Variants in L3MBTL3 observed in about 807,000 individuals in gnomAD.
The protein encoded by L3MBTL3 is lethal(3)malignant brain tumor-like protein 3.
Under a neutral mutation model 102.3 loss-of-function variants are expected in L3MBTL3, and 27 were observed. The observed-to-expected ratio is 0.26, with a 90% CI of 0.19 to 0.36. The LOEUF is 0.36. Among genes scored for constraint, L3MBTL3 ranks in the 10% least tolerant of loss-of-function variants. The pLI, the probability that L3MBTL3 is intolerant of heterozygous loss-of-function variation, is 1.00. For missense variants in L3MBTL3, 798 were observed against 955.3 expected, an observed-to-expected ratio of 0.84 and a Z score of 2.17; for synonymous variants, 340 against 320.9, an observed-to-expected ratio of 1.06 and a Z score of -0.64.
At chr6:130,118,408 A>G (rs1441917298) in intron 19 of L3MBTL3, among the ~76,000 whole-genome samples, 1 of 152,116 alleles carries the variant, frequency 6.6e-6, no homozygotes, top group East Asian at 1.9e-4. Context: ...CTGTTTCCAC[A>G]TGTCTGGATG....
At chr6:130,077,842 G>C (rs1036442288) in intron 13 of L3MBTL3, among the ~76,000 whole-genome samples, 6 of 152,068 alleles carry the variant, frequency 3.9e-5, no homozygotes, top group Non-Finnish European at 5.9e-5. Context: ...GCATCTTTTA[G>C]ACCAACATTT....
chr6:130,079,675 A>G (rs1024318450), intron 14 of L3MBTL3, among the ~76,000 whole-genome samples: 1 of 152,110 alleles, frequency 6.6e-6, no homozygotes, highest in African/African-American at 2.4e-5. Context: ...CTGTTTTCGA[A>G]TGTAGCCTGC....
chr6:130,136,920 C>A (rs1277960225), intron 22 of L3MBTL3, among the ~76,000 whole-genome samples: 3 of 152,186 alleles, frequency 2.0e-5, no homozygotes, highest in Non-Finnish European at 2.9e-5. Flanking sequence ...TCCTGGCCAA[C>A]ATGAGTCACT....
intron 20 of L3MBTL3, among the ~76,000 whole-genome samples, chr6:130,123,870 G>A (rs76583581): frequency 2.3e-3 from 357 of 152,174 alleles, no homozygotes; most frequent in African/African-American, 7.6e-3. Context: ...GGGACCTCTC[G>A]GAGCCTAGTC....
chr6:130,052,757 G>A (rs1781185345), intron 6 of L3MBTL3, 102 bp from the exon 7 acceptor site: 20 of 1,401,730 alleles, frequency 1.4e-5, no homozygotes, highest in Non-Finnish European at 1.9e-5. Flanking sequence ...TTTTTCCTTT[G>A]CAGGGTGATT....
intron 16 of L3MBTL3, among the ~76,000 whole-genome samples, chr6:130,089,839 C>A (rs1327186116): frequency 2.3e-4 from 34 of 146,324 alleles, no homozygotes; most frequent in African/African-American, 1.8e-4. Flanking sequence ...TTTTTCACAG[C>A]AAAAAAAAAA....
intron 16 of L3MBTL3, among the ~76,000 whole-genome samples, chr6:130,091,930 G>T (rs770665391): frequency 5.3e-5 from 8 of 151,904 alleles, no homozygotes; most frequent in Non-Finnish European, 1.0e-4. Context: ...GAATCAGTAA[G>T]ATCTAGTATC....
At chr6:130,092,449 C>T (rs1033282803) in intron 16 of L3MBTL3, among the ~76,000 whole-genome samples, 1 of 151,360 alleles carries the variant, frequency 6.6e-6, no homozygotes, top group Non-Finnish European at 1.5e-5. Flanking sequence ...TATAACAGTT[C>T]CTGTTCTCAT....
intron 22 of L3MBTL3, chr6:130,137,959 T>C (rs956911437): frequency 5.9e-5 from 9 of 152,218 alleles, no homozygotes; most frequent in African/African-American, 2.2e-4. Flanking sequence ...CGCTTAACGG[T>C]GCTACACTTG....
At chr6:130,055,332 A>G (rs1275214990) in intron 8 of L3MBTL3, 77 bp downstream of exon 8, 11 of 1,058,454 alleles carry the variant, frequency 1.0e-5, no homozygotes, top group African/African-American at 3.2e-5. Context: ...AATTTTAGTC[A>G]TGCCACTTAA....
rs763375416 is a variant in L3MBTL3, at chr6:130,104,470, G to A, written c.1781G>A (p.Arg594His). 6.3e-6 allele frequency: 10 copies of A among 1,596,864 alleles called. No individual in the cohort carries two copies. The highest frequency in any genetic ancestry group is 5.2e-5 in the Admixed American group (3 of 57,652). Reference protein sequence around the residue: ...PYSEINLNKDRIFPDRLSGEM... With the variant: ...PYSEINLNKDHIFPDRLSGEM... ...TCAGAAATCAATTTGAATAAAGACC[G>A]TATTTTTCCAGACCGCTTAAGTGGT... The change falls in exon 19 of 23, where the codon CGT becomes CAT. Residue 594 changes from arginine (R) to histidine (H), a missense_variant. By Grantham distance (29) the Arg-to-His change is conservative. Around this residue, in one of 4 missense-constraint regions of L3MBTL3, gnomAD observed 306 missense variants for 314.4 expected, o/e 0.97. Transcript: ENST00000361794.
chr6:130,139,301 C>T (rs1325808239), intron 22 of L3MBTL3, among the ~76,000 whole-genome samples: 1 of 152,158 alleles, frequency 6.6e-6, no homozygotes, highest in East Asian at 1.9e-4. Context: ...TTTGGGCATC[C>T]TGGATTTTTC....
At chr6:130,019,916 CCCGCGCCGTGCCGCG>C (rs1302680082) in intron 1 of L3MBTL3, among the ~76,000 whole-genome samples, 1 of 141,020 alleles carries the variant, frequency 7.1e-6, no homozygotes, top group African/African-American at 2.5e-5. Flanking sequence ...CGGCGTTCGC[CCCGCGCCGTGCCGCG>C]CCGCGCCGGC....
chr6:130,049,368 T>G lies in L3MBTL3; in HGVS notation c.189T>G (p.Thr63=). The G allele has an allele frequency of 6.2e-7, 1 of 1,605,970 alleles. No individual in the cohort carries two copies. Among genetic ancestry groups the G allele is most frequent in the Non-Finnish European group, 8.5e-7 (1 of 1,172,668 alleles). The change falls in exon 4 of 23, where the codon ACT becomes ACG. Residue 63 remains threonine (T), a synonymous_variant. Coordinates refer to ENST00000361794, the MANE Select transcript of L3MBTL3 (RefSeq NM_032438.4). ...ENVKKATATT[T]WMVPTAQEAP... ...TTAAAAAAGCAACTGCTACCACCAC[T>G]TGGATGGTACCAACTGCTCAAGAAG...
chr6:130,105,408 A>G (rs1784925092), intron 19 of L3MBTL3, among the ~76,000 whole-genome samples: 1 of 152,156 alleles, frequency 6.6e-6, no homozygotes, highest in African/African-American at 2.4e-5. Flanking sequence ...GGGGACACCT[A>G]CAACTTCTTC....
chr6:130,022,175 T>C (rs761862025), intron 1 of L3MBTL3, 52 bp from the exon 2 acceptor site: 1 of 152,214 alleles, frequency 6.6e-6, no homozygotes, highest in Non-Finnish European at 1.5e-5. Context: ...GAAGGTTTCT[T>C]TTTGATGACA....
At chr6:130,090,813 C>T (rs1410564930) in intron 16 of L3MBTL3, among the ~76,000 whole-genome samples, 1 of 152,032 alleles carries the variant, frequency 6.6e-6, no homozygotes, top group African/African-American at 2.4e-5. Flanking sequence ...TCTTGAACTC[C>T]TGGGATCTAG....
At chr6:130,105,929 TG>T (rs1297133862) in intron 19 of L3MBTL3, among the ~76,000 whole-genome samples, 16 of 152,180 alleles carry the variant, frequency 1.1e-4, no homozygotes, top group Admixed American at 1.0e-3. Context: ...GATTCCTTTT[TG>T]GCTGTAAATC....
chr6:130,084,896 C>T (rs894568704), intron 15 of L3MBTL3, among the ~76,000 whole-genome samples: 4 of 152,238 alleles, frequency 2.6e-5, no homozygotes, highest in East Asian at 3.9e-4. Context: ...GTGCCATGAT[C>T]TCGTCTCACT....
Sources: gnomAD v4.1 joint callset for allele counts (sites outside exome capture counted in the v4.1 genomes callset) on GRCh38, gnomAD v4.1.1 for gene constraint, gnomAD v4.1.1 regional missense constraint, MANE v1.5 for transcripts, NCBI Gene and HGNC (gene_info 2026-07-23, HGNC 2026-07-21) for gene names.